CNTN3: variants seen among roughly 807,000 people sequenced by gnomAD.
CNTN3 encodes contactin 3, also known as contactin-3.
In CNTN3, 60 loss-of-function variants were observed where a neutral mutation model predicts 119.1. That is an observed-to-expected ratio of 0.50 (90% CI 0.41 to 0.62). The LOEUF (loss-of-function observed/expected upper bound fraction) is 0.62. CNTN3 is among the 20% of genes least tolerant of loss of function. The probability of loss-of-function intolerance (pLI) is 0.00; values close to 1 mark genes in which losing one functional copy is unlikely to be tolerated. For synonymous variants in CNTN3, 450 were observed against 438.7 expected (o/e 1.03, Z -0.32); for missense variants, 1,101 against 1,242.4 (o/e 0.89, Z 1.71).
In CNTN3 at chr3:74,499,550, A is replaced by AT. The variant is rs1010339855; in HGVS notation, c.182+108dup. On this transcript the variant is annotated intron_variant, in intron 3 of 22. Coordinates refer to ENST00000263665, the MANE Select transcript of CNTN3 (RefSeq NM_020872.3). ...ATATCATACAACTATAGCTTCACGT[A>AT]TTTTTTTCTTACTGATGGCATAAAT... The AT allele has an allele frequency of 2.2e-5, 22 of 998,400 alleles. No individual in the cohort carries two copies. The East Asian group carries it at 3.1e-4, about 14-fold the overall frequency. 61.8% of individuals were successfully genotyped at this position (998,400 alleles called of 1,614,324 possible). A position where few individuals can be genotyped will look rare whatever the true frequency, so the allele number is the denominator to read the frequency against.
intron 1 of CNTN3, among the ~76,000 whole-genome samples, chr3:74,549,620 T>C (rs770133359): frequency 2.6e-5 from 4 of 151,800 alleles, no homozygotes; most frequent in Non-Finnish European, 4.4e-5. Flanking sequence ...AAAGGAAAAA[T>C]TACTGCTTGT....
At chr3:74,461,188 G>A (rs1463507135) in intron 4 of CNTN3, among the ~76,000 whole-genome samples, 1 of 151,538 alleles carries the variant, frequency 6.6e-6, no homozygotes, top group Non-Finnish European at 1.5e-5. Flanking sequence ...TGCATTCTTG[G>A]GATAAACCCT....
intron 1 of CNTN3, among the ~76,000 whole-genome samples, chr3:74,525,994 T>C (rs992430649): frequency 3.3e-5 from 5 of 151,896 alleles, no homozygotes; most frequent in Admixed American, 1.3e-4. Context: ...TACATTTCTT[T>C]ATGTGGAGAA....
chr3:74,396,379 T>G (rs1705054144), intron 5 of CNTN3, among the ~76,000 whole-genome samples: 1 of 152,224 alleles, frequency 6.6e-6, no homozygotes, highest in African/African-American at 2.4e-5. Flanking sequence ...TACAGCCTTT[T>G]GCTGATTTAG....
chr3:74,508,436 G>C (rs1439678197), intron 2 of CNTN3, among the ~76,000 whole-genome samples: 2 of 152,116 alleles, frequency 1.3e-5, no homozygotes, highest in African/African-American at 4.8e-5. Context: ...GAACTATGGG[G>C]TGCGGAGATT....
chr3:74,292,767 C>T (rs1702258280), intron 19 of CNTN3, among the ~76,000 whole-genome samples: 1 of 152,160 alleles, frequency 6.6e-6, no homozygotes, highest in South Asian at 2.1e-4. Flanking sequence ...TTGGGATTTG[C>T]TATGGGACTG....
intron 5 of CNTN3, among the ~76,000 whole-genome samples, chr3:74,421,262 G>A (rs943222595): frequency 6.6e-6 from 1 of 151,742 alleles, no homozygotes; most frequent in African/African-American, 2.4e-5. Flanking sequence ...TCCACCTCCC[G>A]AGCTCAAGCA....
intron 1 of CNTN3, among the ~76,000 whole-genome samples, chr3:74,597,381 GT>G (rs1366793023): frequency 3.3e-5 from 5 of 151,798 alleles, no homozygotes; most frequent in Non-Finnish European, 5.9e-5. Context: ...TTATCAGGCA[GT>G]TTTTTTAATG....
intron 20 of CNTN3, chr3:74,267,601 T>C: frequency 4.3e-6 from 2 of 459,846 alleles, no homozygotes; most frequent in East Asian, 3.4e-5. Context: ...ACACGTAATT[T>C]ATTCATGTAA....
chr3:74,593,852 A>G (rs1364284830), intron 1 of CNTN3, among the ~76,000 whole-genome samples: 3 of 151,932 alleles, frequency 2.0e-5, no homozygotes, highest in Non-Finnish European at 4.4e-5. Flanking sequence ...TAGAAAAGAA[A>G]TATTAAATAT....
At chr3:74,381,716 T>C (rs1348598366) in intron 5 of CNTN3, among the ~76,000 whole-genome samples, 1 of 152,180 alleles carries the variant, frequency 6.6e-6, no homozygotes, top group African/African-American at 2.4e-5. Context: ...TCTATCACTC[T>C]ATGACTCTGT....
At chr3:74,522,351 T>C (rs1393300434) in intron 1 of CNTN3, among the ~76,000 whole-genome samples, 1 of 151,858 alleles carries the variant, frequency 6.6e-6, no homozygotes, top group Non-Finnish European at 1.5e-5. Context: ...CAAATGAAAA[T>C]ACAATTGAGA....
At chr3:74,612,351 G>C (rs1705097654) in intron 1 of CNTN3, among the ~76,000 whole-genome samples, 1 of 152,172 alleles carries the variant, frequency 6.6e-6, no homozygotes, top group Non-Finnish European at 1.5e-5. Context: ...CTCTCTACTT[G>C]AAAGTGCTCA....
chr3:74,318,116 C>G (rs1394650963), intron 13 of CNTN3, among the ~76,000 whole-genome samples: 1 of 152,214 alleles, frequency 6.6e-6, no homozygotes, highest in Non-Finnish European at 1.5e-5. Flanking sequence ...ACCCTTTCTT[C>G]CAGTTGATCG....
rs114255036 is a variant in CNTN3, at chr3:74,398,270, T to C, written c.454+26575A>G. On this transcript the variant is annotated intron_variant, in intron 5 of 22. Coordinates refer to ENST00000263665, the MANE Select transcript of CNTN3 (RefSeq NM_020872.3). ...GTGGCACACTTCACTGTCGTCTTAT[T>C]TTAAGAAACTGCCACAATCACCCCA... 5.5e-3 allele frequency among the ~76,000 whole-genome samples: 839 copies of C among 152,234 alleles called. 2 individuals carry two copies. Among genetic ancestry groups the C allele is most frequent in the Non-Finnish European group, 9.8e-3 (667 of 68,012 alleles).
At chr3:74,364,857 C>T (rs562551545) in intron 9 of CNTN3, among the ~76,000 whole-genome samples, 1 of 152,242 alleles carries the variant, frequency 6.6e-6, no homozygotes, top group African/African-American at 2.4e-5. Context: ...GTAAAATATG[C>T]AACCATTTCA....
In CNTN3 at chr3:74,561,082, G is replaced by A. The variant is rs150815445; in HGVS notation, c.-80-39890C>T. On this transcript the variant is annotated intron_variant, in intron 1 of 22. Coordinates refer to ENST00000263665, the MANE Select transcript of CNTN3 (RefSeq NM_020872.3). ...AGGAGATATAACTAATGTAAATGACGAGTTAATGGGTGCAGCACGCCAACA... is the reference window on the plus strand; with the variant it reads ...AGGAGATATAACTAATGTAAATGACAAGTTAATGGGTGCAGCACGCCAACA... Among the ~76,000 whole-genome samples the A allele has an allele frequency of 3.2e-3, 474 of 150,198 alleles. 17 individuals carry two copies. The East Asian group carries it at 0.084, about 27-fold the overall frequency.
At chr3:74,301,620 AG>A in intron 15 of CNTN3, 26 bp downstream of exon 15, 1 of 1,613,434 alleles carries the variant, frequency 6.2e-7, no homozygotes, top group Non-Finnish European at 8.5e-7. Flanking sequence ...ATATGTGTGC[AG>A]ATGACATCTG....
chr3:74,575,553 T>G (rs1051728900), intron 1 of CNTN3, among the ~76,000 whole-genome samples: 7 of 151,104 alleles, frequency 4.6e-5, no homozygotes, highest in African/African-American at 1.5e-4. Context: ...CCGAGCTGAT[T>G]AGATAATTTT....
Sources: gnomAD v4.1 joint callset for allele counts (sites outside exome capture counted in the v4.1 genomes callset) on GRCh38, gnomAD v4.1.1 for gene constraint, MANE v1.5 for transcripts, NCBI Gene and HGNC (gene_info 2026-07-23, HGNC 2026-07-21) for gene names.